Variants in DDAH1 observed in about 807,000 individuals in gnomAD.
DDAH1 encodes dimethylarginine dimethylaminohydrolase 1.
DDAH1 carries 19 observed loss-of-function variants against 28.8 expected under a neutral mutation model. That is an observed-to-expected ratio of 0.66 (90% CI 0.46 to 0.97). The LOEUF is 0.97. Ranked by LOEUF, DDAH1 falls within the 50% of genes least tolerant of loss-of-function variation. The probability of loss-of-function intolerance (pLI) is 0.00; values close to 1 mark genes in which losing one functional copy is unlikely to be tolerated. For missense variants in DDAH1, 326 were observed against 375.9 expected (o/e 0.87, Z 1.10); for synonymous variants, 153 against 154.4 (o/e 0.99, Z 0.07).
At chr1:85,392,562 A>C (rs1439458135) in intron 1 of DDAH1, among the ~76,000 whole-genome samples, 1 of 152,108 alleles carries the variant, frequency 6.6e-6, no homozygotes, top group East Asian at 1.9e-4. Flanking sequence ...TGGGAGGCTG[A>C]GGCGGGCGGA....
intron 5 of DDAH1, among the ~76,000 whole-genome samples, chr1:85,324,373 A>G (rs976594189): frequency 1.3e-5 from 2 of 152,082 alleles, no homozygotes; most frequent in African/African-American, 4.8e-5. Flanking sequence ...GTCAGAAAAC[A>G]GCGATACCGT....
In DDAH1 at chr1:85,414,191, T is replaced by TCC. The variant is rs1266266182; in HGVS notation, c.303+50551_303+50552insGG. ...ACCCAGAAACAGATCCACACATATA[T>TCC]AGGGCTATAGCTCACAACAAAGAGA... On this transcript the variant is annotated intron_variant, in intron 1 of 5. Transcript: ENST00000284031. Among the ~76,000 whole-genome samples the TCC allele has an allele frequency of 2.1e-3, 327 of 152,152 alleles. 2 individuals carry two copies. Among genetic ancestry groups the TCC allele is most frequent in the African/African-American group, 7.7e-3 (318 of 41,524 alleles).
intron 1 of DDAH1, among the ~76,000 whole-genome samples, chr1:85,419,183 T>C (rs1653018957): frequency 6.6e-6 from 1 of 152,126 alleles, no homozygotes; most frequent in African/African-American, 2.4e-5. Context: ...GATACCATTA[T>C]ATGAATGGTG....
chr1:85,496,782 C>G (rs1187296603), intron 1 of DDAH1, among the ~76,000 whole-genome samples: 4 of 152,102 alleles, frequency 2.6e-5, no homozygotes, highest in African/African-American at 9.7e-5. Context: ...ACACAAATAG[C>G]AATTTCATAT....
At chr1:85,326,089 G>A (rs1011602758) in intron 4 of DDAH1, among the ~76,000 whole-genome samples, 6 of 152,240 alleles carry the variant, frequency 3.9e-5, no homozygotes, top group African/African-American at 1.4e-4. Context: ...AAGCAGAAGA[G>A]AGACAGCATG....
At chr1:85,329,808 T>C (rs1647653212) in intron 4 of DDAH1, among the ~76,000 whole-genome samples, 1 of 152,186 alleles carries the variant, frequency 6.6e-6, no homozygotes, top group Non-Finnish European at 1.5e-5. Flanking sequence ...CAGGCCCCAT[T>C]TGGAGCAGTG....
chr1:85,492,875 C>T (rs1035368471), intron 2 of DDAH1, among the ~76,000 whole-genome samples: 7 of 152,034 alleles, frequency 4.6e-5, no homozygotes, highest in Admixed American at 2.0e-4. Context: ...TGTCTATGTC[C>T]ATTTTCTTCA....
intron 1 of DDAH1, among the ~76,000 whole-genome samples, chr1:85,538,913 C>T (rs530234962): frequency 3.7e-4 from 57 of 152,194 alleles, no homozygotes; most frequent in African/African-American, 1.0e-3. Flanking sequence ...ACGTTCAAAT[C>T]CTTCTTTTTC....
intron 1 of DDAH1, among the ~76,000 whole-genome samples, chr1:85,558,694 C>G (rs553689460): frequency 6.6e-6 from 1 of 151,792 alleles, no homozygotes; most frequent in Non-Finnish European, 1.5e-5. Flanking sequence ...AGTAATAATG[C>G]TAAAAGTAGT....
rs559191675 is a variant in DDAH1 at position 85,542,693 on chromosome 1, C to A, written c.-123+35291G>T. ...AAAGTGATGGCACCAATATTCAGAT[C>A]CACCTTGTCCAACCCAAATACACTT... is the stretch of plus-strand genomic sequence containing the variant. On this transcript the variant is annotated intron_variant, in intron 1 of 6. Transcript: ENST00000426972. 3.9e-5 allele frequency among the ~76,000 whole-genome samples: 6 copies of A among 152,274 alleles called. No individual in the cohort carries two copies. In the South Asian group the frequency reaches 1.2e-3, roughly 32 times the overall value.
At chr1:85,526,921 T>C (rs1313377633) in intron 1 of DDAH1, among the ~76,000 whole-genome samples, 22 of 151,172 alleles carry the variant, frequency 1.5e-4, no homozygotes, top group Non-Finnish European at 2.5e-4. Flanking sequence ...GAAATGTTAA[T>C]AGGAAAAAGG....
chr1:85,416,381 G>A (rs1297724217), intron 1 of DDAH1, among the ~76,000 whole-genome samples: 1 of 152,072 alleles, frequency 6.6e-6, no homozygotes, highest in Non-Finnish European at 1.5e-5. Flanking sequence ...TTTTAGTAGA[G>A]ACAGGGTTTC....
chr1:85,404,178 G>A lies in DDAH1; in HGVS notation c.304-45331C>T, dbSNP rs540996473. The stretch of plus-strand genomic sequence containing the variant: ...CTACATATTATATTTCACAAATAAA[G>A]CTAAACAGAAAAATGCAGATCAACA... On this transcript the variant is annotated intron_variant, in intron 1 of 5. Coordinates refer to ENST00000284031, the MANE Select transcript of DDAH1 (RefSeq NM_012137.4). Among the ~76,000 whole-genome samples, 50 of 152,106 alleles carry A rather than the reference G, an allele frequency of 3.3e-4. 1 individual carries two copies. Among genetic ancestry groups the A allele is most frequent in the Non-Finnish European group, 1.2e-4 (8 of 68,012 alleles).
At chr1:85,463,974 T>C (rs1405597112) in intron 1 of DDAH1, among the ~76,000 whole-genome samples, 2 of 152,176 alleles carry the variant, frequency 1.3e-5, no homozygotes, top group Non-Finnish European at 2.9e-5. Flanking sequence ...GTTACAACCC[T>C]TGAGAACAGA....
At chr1:85,416,735 A>G (rs1253724449) in intron 1 of DDAH1, among the ~76,000 whole-genome samples, 1 of 151,900 alleles carries the variant, frequency 6.6e-6, no homozygotes, top group Admixed American at 6.6e-5. Flanking sequence ...CTGCATGATC[A>G]TGGCTCACTG....
At chr1:85,558,247 A>G (rs1355364989) in intron 1 of DDAH1, among the ~76,000 whole-genome samples, 1 of 152,226 alleles carries the variant, frequency 6.6e-6, no homozygotes, top group East Asian at 1.9e-4. Context: ...CTGTAGTCCC[A>G]GCTACTTGGG....
At chr1:85,430,217 G>A (rs1653610586) in intron 1 of DDAH1, among the ~76,000 whole-genome samples, 2 of 152,194 alleles carry the variant, frequency 1.3e-5, no homozygotes, top group East Asian at 3.9e-4. Flanking sequence ...GTAGATGTGT[G>A]GTGTTATTTC....
chr1:85,509,621 A>G (rs1657152069), intron 1 of DDAH1, among the ~76,000 whole-genome samples: 1 of 152,210 alleles, frequency 6.6e-6, no homozygotes, highest in African/African-American at 2.4e-5. Context: ...TAACTAGAAT[A>G]AACAATGTAG....
At chr1:85,336,218 C>G (rs1482048545) in intron 4 of DDAH1, among the ~76,000 whole-genome samples, 1 of 152,052 alleles carries the variant, frequency 6.6e-6, no homozygotes, top group Non-Finnish European at 1.5e-5. Context: ...ATTAGCACAT[C>G]AAGAACATTC....
Sources: gnomAD v4.1 joint callset for allele counts (sites outside exome capture counted in the v4.1 genomes callset) on GRCh38, gnomAD v4.1.1 for gene constraint, MANE v1.5 for transcripts, NCBI Gene and HGNC (gene_info 2026-07-23, HGNC 2026-07-21) for gene names.